Variants in CCDC138 observed in about 807,000 individuals in gnomAD.
CCDC138 encodes coiled-coil domain containing 138, also known as coiled-coil domain-containing protein 138.
CCDC138 carries 66 observed loss-of-function variants against 82.3 expected under a neutral mutation model. The observed-to-expected ratio is 0.80, with a 90% CI of 0.66 to 0.98. The LOEUF is 0.98. CCDC138 is among the 50% of genes least tolerant of loss of function. CCDC138 has a pLI of 0.00. For missense variants in CCDC138, 816 were observed against 758.9 expected (o/e 1.08, Z -0.88); for synonymous variants, 297 against 265.4 (o/e 1.12, Z -1.16).
intron 2 of CCDC138, 68 bp from the exon 3 acceptor site, chr2:108,788,784 T>C (rs540287030): frequency 1.1e-5 from 17 of 1,594,262 alleles, no homozygotes; most frequent in East Asian, 6.7e-5. Context: ...TTTAGACTTA[T>C]GGCCAGTGCC....
At chr2:108,832,805 C>T (rs1039261251) in intron 10 of CCDC138, among the ~76,000 whole-genome samples, 5 of 152,112 alleles carry the variant, frequency 3.3e-5, no homozygotes, top group African/African-American at 7.2e-5. Flanking sequence ...TTAGTCGTGA[C>T]GTGTATCTAT....
intron 13 of CCDC138, among the ~76,000 whole-genome samples, chr2:108,871,153 A>G (rs1450251437): frequency 6.6e-6 from 1 of 152,160 alleles, no homozygotes; most frequent in Non-Finnish European, 1.5e-5. Flanking sequence ...ATACTTTTAC[A>G]GAAATGGCAT....
At position 108,828,957 on chromosome 2, in the gene CCDC138, G is replaced by GAC. The variant is rs1687086087; in HGVS notation, c.1207-10226_1207-10225dup. Among the ~76,000 whole-genome samples the GAC allele has an allele frequency of 2.0e-5, 3 of 152,054 alleles. No homozygotes were observed. The South Asian group carries it at 6.2e-4, about 31-fold the overall frequency. On this transcript the variant is annotated intron_variant, in intron 10 of 14. Transcript: ENST00000295124. ...CACGCCATTGCACTCCAGCCCAGGT[G>GAC]ACAGTGTGAGACTCCCTCTCAAAAA...
rs375868318 is a variant in CCDC138 at position 108,791,577 on chromosome 2, T to A, written c.267-98T>A. 1.0e-4 allele frequency: 144 copies of A among 1,396,828 alleles called. No individual in the cohort carries two copies. The Middle Eastern group carries it at 2.9e-3, about 28-fold the overall frequency. The allele number at this position is 1,396,828 out of a possible 1,614,324, so 86.5% of individuals were successfully genotyped here. On this transcript the variant is annotated intron_variant, in intron 3 of 14. Transcript: ENST00000295124. The stretch of plus-strand genomic sequence containing the variant: ...CAGTTTAAAAAATGTTTTTACATTT[T>A]TTCTCAGTTATGCTGTTAATATTTG...
intron 11 of CCDC138, among the ~76,000 whole-genome samples, chr2:108,840,723 T>C (rs1364576420): frequency 6.6e-6 from 1 of 152,182 alleles, no homozygotes; most frequent in African/African-American, 2.4e-5. Flanking sequence ...TCATCTCTTT[T>C]GCTAGAAGTT....
At chr2:108,828,084 A>G (rs1686942492) in intron 10 of CCDC138, among the ~76,000 whole-genome samples, 1 of 152,138 alleles carries the variant, frequency 6.6e-6, no homozygotes, top group East Asian at 1.9e-4. Flanking sequence ...AATAGGAATT[A>G]TTTCATAAAT....
intron 7 of CCDC138, among the ~76,000 whole-genome samples, chr2:108,805,627 T>C (rs1444358722): frequency 6.6e-6 from 1 of 151,738 alleles, no homozygotes; most frequent in Admixed American, 6.6e-5. Flanking sequence ...CTCGGGAGGC[T>C]GAGGCAGGAG....
At chr2:108,841,828 T>G (rs558459433) in intron 11 of CCDC138, among the ~76,000 whole-genome samples, 57 of 152,264 alleles carry the variant, frequency 3.7e-4, no homozygotes, top group African/African-American at 1.4e-3. Flanking sequence ...TTTGGTTCAT[T>G]TTTCTGCTTT....
intron 12 of CCDC138, among the ~76,000 whole-genome samples, chr2:108,851,447 GC>G (rs1691478620): frequency 6.6e-6 from 1 of 152,012 alleles, no homozygotes; most frequent in South Asian, 2.1e-4. Flanking sequence ...GCTTACAGGT[GC>G]CTGCCACCAT....
At chr2:108,871,091 T>A (rs1695165891) in intron 13 of CCDC138, among the ~76,000 whole-genome samples, 1 of 152,088 alleles carries the variant, frequency 6.6e-6, no homozygotes, top group African/African-American at 2.4e-5. Context: ...TTAGACACGT[T>A]CCTATGGTTG....
At chr2:108,838,954 TC>T (rs1195712555) in intron 10 of CCDC138, among the ~76,000 whole-genome samples, 1 of 152,168 alleles carries the variant, frequency 6.6e-6, no homozygotes, top group Non-Finnish European at 1.5e-5. Flanking sequence ...TAGGTTAATC[TC>T]CTTAAACTAG....
intron 9 of CCDC138, among the ~76,000 whole-genome samples, chr2:108,813,347 C>A (rs1309977921): frequency 6.8e-6 from 1 of 146,926 alleles, no homozygotes; most frequent in Non-Finnish European, 1.5e-5. Context: ...AGCAAACATT[C>A]TTTTTGGAAT....
intron 13 of CCDC138, among the ~76,000 whole-genome samples, chr2:108,869,733 G>A (rs1694954200): frequency 6.6e-6 from 1 of 152,162 alleles, no homozygotes; most frequent in Admixed American, 6.5e-5. Context: ...CAGGATGCAT[G>A]CCCAGACAAG....
intron 6 of CCDC138, among the ~76,000 whole-genome samples, chr2:108,798,824 C>CAT (rs1681386643): frequency 7.5e-6 from 1 of 133,556 alleles, no homozygotes; most frequent in Non-Finnish European, 1.5e-5. Context: ...CCTACACACA[C>CAT]ACACACACAC....
chr2:108,832,267 T>G (rs1687817579), intron 10 of CCDC138, among the ~76,000 whole-genome samples: 1 of 151,772 alleles, frequency 6.6e-6, no homozygotes, highest in African/African-American at 2.4e-5. Context: ...CCTCAAGTGA[T>G]CTGCCTGCCT....
intron 12 of CCDC138, among the ~76,000 whole-genome samples, chr2:108,850,232 T>C (rs1415383521): frequency 2.0e-5 from 3 of 152,154 alleles, no homozygotes; most frequent in African/African-American, 7.2e-5. Context: ...TGTTTCCTAT[T>C]TATAAAATAG....
chr2:108,797,661 T>G (rs1041373309), intron 5 of CCDC138, among the ~76,000 whole-genome samples: 1 of 152,176 alleles, frequency 6.6e-6, no homozygotes, highest in African/African-American at 2.4e-5. Flanking sequence ...GAGCCTGCCT[T>G]TTTAATGAGG....
chr2:108,822,684 C>G (rs1685915897), intron 10 of CCDC138, among the ~76,000 whole-genome samples: 1 of 152,194 alleles, frequency 6.6e-6, no homozygotes, highest in Non-Finnish European at 1.5e-5. Flanking sequence ...TTTAAAAACT[C>G]ACTCTACAGC....
intron 14 of CCDC138, among the ~76,000 whole-genome samples, chr2:108,875,318 AT>A (rs59450316): frequency 0.28 from 13,349 of 47,670 alleles, 1,347 homozygotes; most frequent in African/African-American, 0.43. Flanking sequence ...TTAAAGTATA[AT>A]AAAAAAAAAA....
Sources: gnomAD v4.1 joint callset for allele counts (sites outside exome capture counted in the v4.1 genomes callset) on GRCh38, gnomAD v4.1.1 for gene constraint, MANE v1.5 for transcripts, NCBI Gene and HGNC (gene_info 2026-07-23, HGNC 2026-07-21) for gene names.